The following PUS10 variants were observed in gnomAD, a reference collection of about 807,000 sequenced individuals.
PUS10 encodes the protein tRNA pseudouridine synthase Pus10.
In PUS10, 59 loss-of-function variants were observed where a neutral mutation model predicts 75.0. The observed-to-expected ratio is 0.79, with a 90% CI of 0.64 to 0.98. The LOEUF is 0.98. Ranked by LOEUF, PUS10 falls within the 50% of genes least tolerant of loss-of-function variation. PUS10 has a pLI of 0.00. For synonymous variants in PUS10, 219 were observed against 211.6 expected (o/e 1.03, Z -0.30); for missense variants, 650 against 614.4 (o/e 1.06, Z -0.61).
At chr2:60,985,024 T>A (rs1474516526) in intron 4 of PUS10, among the ~76,000 whole-genome samples, 1 of 152,200 alleles carries the variant, frequency 6.6e-6, no homozygotes, top group Non-Finnish European at 1.5e-5. Context: ...GTGCTGTTTT[T>A]ATAATTTAAA....
intron 2 of PUS10, among the ~76,000 whole-genome samples, chr2:61,009,295 T>C (rs1679451598): frequency 6.6e-6 from 1 of 152,210 alleles, no homozygotes; most frequent in African/African-American, 2.4e-5. Flanking sequence ...AAGGCTCCAA[T>C]ACAAATTTAT....
At chr2:60,957,676 T>C (rs1390410817) in intron 11 of PUS10, among the ~76,000 whole-genome samples, 3 of 152,254 alleles carry the variant, frequency 2.0e-5, no homozygotes, top group African/African-American at 7.2e-5. Context: ...TAGACATAAG[T>C]AGCATAGCTG....
At chr2:60,977,248 G>A (rs902718857) in intron 4 of PUS10, among the ~76,000 whole-genome samples, 2 of 152,142 alleles carry the variant, frequency 1.3e-5, no homozygotes, top group Non-Finnish European at 2.9e-5. Flanking sequence ...AGAGGTGATG[G>A]AGAAAGGATA....
chr2:61,004,962 C>T (rs527319843), intron 4 of PUS10, among the ~76,000 whole-genome samples: 12 of 152,198 alleles, frequency 7.9e-5, no homozygotes, highest in African/African-American at 2.9e-4. Flanking sequence ...TTTTTAAAAA[C>T]AGTATCTTCT....
chr2:60,942,374 C>T lies in PUS10; in HGVS notation c.*21G>A. ...CACATCATGCCAGGAAAACCATACT[C>T]TTTGTCTCCAAATTTGAAAGCTAGT... On this transcript the variant is annotated 3_prime_UTR_variant, in exon 18 of 18. Transcript: ENST00000316752. 7 of 1,610,038 alleles carry T rather than the reference C, an allele frequency of 4.3e-6. No homozygotes were observed. Among genetic ancestry groups the T allele is most frequent in the Non-Finnish European group, 6.0e-6 (7 of 1,176,298 alleles).
chr2:60,983,298 T>C (rs564775663), intron 4 of PUS10, among the ~76,000 whole-genome samples: 7 of 152,278 alleles, frequency 4.6e-5, no homozygotes, highest in Middle Eastern at 3.4e-3. Flanking sequence ...ACAAAATAGA[T>C]AAAAGGAGAA....
At chr2:60,943,471 TAAA>T (rs56288950) in intron 17 of PUS10, among the ~76,000 whole-genome samples, 6 of 143,708 alleles carry the variant, frequency 4.2e-5, no homozygotes, top group African/African-American at 1.3e-4. Context: ...AAGAGAAAGT[TAAA>T]AAAAAAAAAA....
chr2:61,017,666 G>T, intron 1 of PUS10: 1 of 990,832 alleles, frequency 1.0e-6, no homozygotes, highest in Non-Finnish European at 1.5e-6. Flanking sequence ...GGACGGCTCG[G>T]TGTTCTGCCC....
At chr2:60,954,541 G>T (rs929639146) in intron 12 of PUS10, among the ~76,000 whole-genome samples, 2 of 152,298 alleles carry the variant, frequency 1.3e-5, no homozygotes, top group African/African-American at 4.8e-5. Context: ...AAAAGCTTTG[G>T]TTCCATGAGA....
At chr2:61,012,867 A>AAAAAAAAAT (rs1679710007) in intron 1 of PUS10, among the ~76,000 whole-genome samples, 2 of 27,734 alleles carry the variant, frequency 7.2e-5, no homozygotes, top group Non-Finnish European at 1.2e-4. Flanking sequence ...AAAAAAAAAA[A>AAAAAAAAAT]ATATATATAT....
At chr2:60,988,664 C>A (rs986157981) in intron 4 of PUS10, among the ~76,000 whole-genome samples, 54 of 152,282 alleles carry the variant, frequency 3.5e-4, no homozygotes, top group African/African-American at 1.2e-3. Context: ...GAGATGGAGT[C>A]TTGCTCTGTA....
intron 8 of PUS10, among the ~76,000 whole-genome samples, chr2:60,964,385 G>T (rs527542944): frequency 6.6e-6 from 1 of 152,282 alleles, no homozygotes; most frequent in African/African-American, 2.4e-5. Context: ...TAAAACTGTA[G>T]GAATGCCTAA....
rs1274528472 is a variant in PUS10 at position 60,960,382 on chromosome 2, TAAC to T, written c.1000+7_1000+9del. The T allele has an allele frequency of 1.5e-5, 22 of 1,501,144 alleles. No homozygotes were observed. Among genetic ancestry groups the T allele is most frequent in the Middle Eastern group, 1.8e-4 (1 of 5,584 alleles). 93.0% of individuals were successfully genotyped at this position (1,501,144 alleles called of 1,614,324 possible). A position where few individuals can be genotyped will look rare whatever the true frequency, so the allele number is the denominator to read the frequency against. On this transcript the variant is annotated splice_region_variant and intron_variant, in intron 11 of 17. Coordinates refer to ENST00000316752, the MANE Select transcript of PUS10 (RefSeq NM_144709.4). The stretch of plus-strand genomic sequence containing the variant: ...AAAAGAAAGAAAAGTATGAAGATCG[TAAC>T]ACTTACTCTCTGCTTTAAATACTGC...
chr2:61,006,886 T>C (rs1679247211), intron 3 of PUS10, among the ~76,000 whole-genome samples: 1 of 152,196 alleles, frequency 6.6e-6, no homozygotes. Context: ...AACTGTTAAG[T>C]GTCAAAATAG....
intron 8 of PUS10, among the ~76,000 whole-genome samples, chr2:60,964,443 A>G (rs1199631920): frequency 6.6e-6 from 1 of 152,228 alleles, no homozygotes; most frequent in African/African-American, 2.4e-5. Flanking sequence ...AAGATGACCA[A>G]TATCGCACCA....
intron 5 of PUS10, among the ~76,000 whole-genome samples, chr2:60,970,655 G>T (rs10191951): frequency 4.0e-5 from 6 of 150,934 alleles, no homozygotes; most frequent in African/African-American, 2.5e-5. Context: ...GAGCCTGGGC[G>T]GGGGAGGGGA....
At chr2:61,017,859 T>G (rs1306812627) in intron 1 of PUS10, 149 bp downstream of exon 1, 1 of 1,550,066 alleles carries the variant, frequency 6.5e-7, no homozygotes, top group East Asian at 2.4e-5. Flanking sequence ...CCAGTGAGTG[T>G]GGGATTCTTC....
intron 4 of PUS10, among the ~76,000 whole-genome samples, chr2:60,994,634 GATC>G (rs1221072734): frequency 4.6e-5 from 7 of 152,124 alleles, no homozygotes; most frequent in Non-Finnish European, 1.0e-4. Context: ...CTTTTTAAAT[GATC>G]ACACTTGTTA....
intron 15 of PUS10, among the ~76,000 whole-genome samples, chr2:60,951,080 T>C (rs922221342): frequency 4.1e-4 from 62 of 152,256 alleles, no homozygotes; most frequent in African/African-American, 1.4e-3. Flanking sequence ...TTTTTGCAGC[T>C]AACTGGTTCA....
Sources: gnomAD v4.1 joint callset for allele counts (sites outside exome capture counted in the v4.1 genomes callset) on GRCh38, gnomAD v4.1.1 for gene constraint, MANE v1.5 for transcripts, NCBI Gene and HGNC (gene_info 2026-07-23, HGNC 2026-07-21) for gene names.